Variants in IGBP1C observed in about 807,000 individuals in gnomAD.
The protein encoded by IGBP1C is IGBP1 family member C, also known as immunoglobulin-binding protein 1 family member C.
the IGBP1C span, among the ~76,000 whole-genome samples, chr17:58,681,380 G>T: frequency 6.6e-6 from 1 of 152,154 alleles, no homozygotes; most frequent in African/African-American, 2.4e-5. Context: ...GGGATTCTGT[G>T]ATGCAACCAG....
At chr17:58,672,572 T>TATA in the IGBP1C span, among the ~76,000 whole-genome samples, 1 of 152,156 alleles carries the variant, frequency 6.6e-6, no homozygotes, top group African/African-American at 2.4e-5. Context: ...TAGCTGGGAT[T>TATA]ATAGGCACGC....
the IGBP1C span, among the ~76,000 whole-genome samples, chr17:58,688,808 G>A: frequency 4.3e-3 from 640 of 150,274 alleles, 3 homozygotes; most frequent in African/African-American, 0.014. Context: ...ACATATTCCC[G>A]GGGGGGGTTT....
the IGBP1C span, among the ~76,000 whole-genome samples, chr17:58,686,820 C>G: frequency 7.6e-6 from 1 of 130,956 alleles, no homozygotes; most frequent in South Asian, 2.6e-4. Flanking sequence ...ACATTGACTT[C>G]TTTCTCCTAT....
chr17:58,684,397 G>T, the IGBP1C span, among the ~76,000 whole-genome samples: 1 of 151,416 alleles, frequency 6.6e-6, no homozygotes, highest in Non-Finnish European at 1.5e-5. Context: ...GGGAGGCGGA[G>T]GTTGGAGTGA....
chr17:58,677,097 C>A, the IGBP1C span, among the ~76,000 whole-genome samples: 4 of 111,490 alleles, frequency 3.6e-5, no homozygotes, highest in South Asian at 5.7e-4. Flanking sequence ...CCAGCCTGGG[C>A]AACAAGAGGG....
chr17:58,673,843 T>C, the IGBP1C span, among the ~76,000 whole-genome samples: 9 of 152,322 alleles, frequency 5.9e-5, no homozygotes, highest in East Asian at 1.2e-3. Flanking sequence ...CCTGGGATTA[T>C]AGACGTGAGC....
chr17:58,679,473 G>A, the IGBP1C span: 2 of 152,202 alleles, frequency 1.3e-5, no homozygotes, highest in East Asian at 3.9e-4. Context: ...ATATAACACA[G>A]GAAAACCTAC....
the IGBP1C span, among the ~76,000 whole-genome samples, chr17:58,662,507 G>A: frequency 2.7e-5 from 4 of 150,816 alleles, no homozygotes; most frequent in Non-Finnish European, 4.4e-5. Context: ...CCCCAAATAA[G>A]TTGAGATGGA....
the IGBP1C span, among the ~76,000 whole-genome samples, chr17:58,690,949 G>A: frequency 6.6e-6 from 1 of 152,092 alleles, no homozygotes; most frequent in African/African-American, 2.4e-5. Flanking sequence ...TCACTCCCAG[G>A]CTGAAGGGAT....
the IGBP1C span, among the ~76,000 whole-genome samples, chr17:58,669,338 C>T: frequency 2.9e-3 from 426 of 145,358 alleles, 2 homozygotes; most frequent in Middle Eastern, 0.02. Flanking sequence ...GGCGAAAGAG[C>T]GACACTCTGT....
At chr17:58,663,466 C>T in the IGBP1C span, among the ~76,000 whole-genome samples, 2 of 149,058 alleles carry the variant, frequency 1.3e-5, no homozygotes, top group Admixed American at 1.3e-4. Flanking sequence ...GTAACTGAAT[C>T]TAAATTTTTT....
At chr17:58,663,108 CAA>C in the IGBP1C span, among the ~76,000 whole-genome samples, 19 of 76,822 alleles carry the variant, frequency 2.5e-4, no homozygotes, top group Admixed American at 3.0e-4. Flanking sequence ...GACTCCGTCT[CAA>C]AAAAAAAAAA....
At chr17:58,672,262 C>T in the IGBP1C span, among the ~76,000 whole-genome samples, 1 of 152,156 alleles carries the variant, frequency 6.6e-6, no homozygotes, top group Non-Finnish European at 1.5e-5. Context: ...TACCATGCTC[C>T]TTCCAGGGGG....
At chr17:58,689,911 G>A in the IGBP1C span, among the ~76,000 whole-genome samples, 3 of 149,608 alleles carry the variant, frequency 2.0e-5, no homozygotes, top group Non-Finnish European at 4.4e-5. Context: ...ATGTGGTGGC[G>A]TGATCTAGGC....
the IGBP1C span, among the ~76,000 whole-genome samples, chr17:58,676,463 G>T: frequency 6.6e-6 from 1 of 152,088 alleles, no homozygotes; most frequent in African/African-American, 2.4e-5. Flanking sequence ...GGGAGGCTGA[G>T]GCAAGAGAAT....
the IGBP1C span, among the ~76,000 whole-genome samples, chr17:58,671,030 C>T: frequency 6.6e-6 from 1 of 152,128 alleles, no homozygotes; most frequent in East Asian, 1.9e-4. Flanking sequence ...TTCTGGAACT[C>T]TCATTGCATT....
chr17:58,666,568 C>T, the IGBP1C span: 1 of 151,448 alleles, frequency 6.6e-6, no homozygotes, highest in Non-Finnish European at 1.5e-5. Flanking sequence ...TCTCCCGCTA[C>T]CACAAATTAT....
the IGBP1C span, among the ~76,000 whole-genome samples, chr17:58,671,117 T>TGTAGCTC: frequency 5.3e-5 from 8 of 152,218 alleles, no homozygotes; most frequent in African/African-American, 1.9e-4. Flanking sequence ...TTCTTTGAGC[T>TGTAGCTC]ACATCCTGGG....
chr17:58,683,845 T>C, the IGBP1C span, among the ~76,000 whole-genome samples: 1 of 150,516 alleles, frequency 6.6e-6, no homozygotes, highest in Non-Finnish European at 1.5e-5. Context: ...GGCGGGCGGA[T>C]CACAAGGTCA....
Sources: gnomAD v4.1 joint callset for allele counts (sites outside exome capture counted in the v4.1 genomes callset) on GRCh38, gnomAD v4.1.1 for gene constraint, MANE v1.5 for transcripts, NCBI Gene and HGNC (gene_info 2026-07-23, HGNC 2026-07-21) for gene names.